CYSTM1: variants seen among roughly 807,000 people sequenced by gnomAD.
CYSTM1 encodes the protein cysteine-rich transmembrane module-containing protein 1.
Under a neutral mutation model 13.1 loss-of-function variants are expected in CYSTM1, and 4 were observed. That is an observed-to-expected ratio of 0.31 (90% CI 0.15 to 0.70). The LOEUF is 0.70. Among genes scored for constraint, CYSTM1 ranks in the 30% least tolerant of loss-of-function variants. CYSTM1 has a pLI of 0.72. For missense variants in CYSTM1, 96 were observed against 121.6 expected (o/e 0.79, Z 0.99); for synonymous variants, 36 against 42.7 (o/e 0.84, Z 0.62).
intron 2 of CYSTM1, among the ~76,000 whole-genome samples, chr5:140,237,479 T>C (rs1251484021): frequency 1.3e-5 from 2 of 152,226 alleles, no homozygotes; most frequent in Non-Finnish European, 2.9e-5. Context: ...AGTCAACTTC[T>C]TTCCCTTCTT....
At chr5:140,242,801 TAGAGGTTG>T (rs1764766609) in intron 2 of CYSTM1, among the ~76,000 whole-genome samples, 1 of 152,206 alleles carries the variant, frequency 6.6e-6, no homozygotes, top group Non-Finnish European at 1.5e-5. Flanking sequence ...TGTCAAGGTA[TAGAGGTTG>T]GGGGCACATT....
At position 140,218,092 on chromosome 5, in the gene CYSTM1, C is replaced by T. The variant is rs1040980533; in HGVS notation, c.187+23440C>T. On this transcript the variant is annotated intron_variant, in intron 2 of 2. Transcript: ENST00000261811. ...GCCCGCTCCAGCTAGCCGATATGGTCGGTGTGGTAATAAGGATGGCTGTGG... is the reference window on the plus strand; with the variant it reads ...GCCCGCTCCAGCTAGCCGATATGGTTGGTGTGGTAATAAGGATGGCTGTGG... Among the ~76,000 whole-genome samples the T allele has an allele frequency of 5.9e-5, 9 of 152,052 alleles. No homozygotes were observed. The South Asian group carries it at 8.3e-4, about 14-fold the overall frequency.
Position 140,211,435 on chromosome 5 carries a change from A to C in CYSTM1, c.187+16783A>C, listed in dbSNP as rs1764366845. On this transcript the variant is annotated intron_variant, in intron 2 of 2. Coordinates refer to ENST00000261811, the MANE Select transcript of CYSTM1 (RefSeq NM_032412.4). ...ATTGTAAACACGGCTTCCAAGTTTT[A>C]CAACAGCTCTTCAGGGTAGTGGTAT... Among the ~76,000 whole-genome samples, 5 of 152,216 alleles carry C rather than the reference A, an allele frequency of 3.3e-5. No homozygotes were observed. The South Asian group carries it at 1.0e-3, about 31-fold the overall frequency.
intron 1 of CYSTM1, among the ~76,000 whole-genome samples, chr5:140,193,397 C>G (rs1199026346): frequency 6.6e-6 from 1 of 152,208 alleles, no homozygotes; most frequent in Non-Finnish European, 1.5e-5. Flanking sequence ...GATTCTCCTG[C>G]CTCAGCCTCC....
In CYSTM1 at chr5:140,232,593, G is replaced by A. The variant is rs954863399; in HGVS notation, c.188-10712G>A. Among the ~76,000 whole-genome samples, 4 of 152,328 alleles carry A rather than the reference G, an allele frequency of 2.6e-5. No homozygotes were observed. In the East Asian group the frequency reaches 7.7e-4, roughly 29 times the overall value. On this transcript the variant is annotated intron_variant, in intron 2 of 2. Coordinates refer to ENST00000261811, the MANE Select transcript of CYSTM1 (RefSeq NM_032412.4). Reference sequence around the variant, plus strand: ...GTGAGAACGCAAAAGTGTCTACACTGTTTTCACTGAGGAGGTGGACTTTTC... The same window carrying A: ...GTGAGAACGCAAAAGTGTCTACACTATTTTCACTGAGGAGGTGGACTTTTC...
intron 2 of CYSTM1, among the ~76,000 whole-genome samples, chr5:140,196,916 G>C (rs1167753086): frequency 6.6e-6 from 1 of 152,174 alleles, no homozygotes; most frequent in African/African-American, 2.4e-5. Context: ...GAACTTTCTG[G>C]GGTGTTAGGA....
At chr5:140,242,585 G>A (rs1234785151) in intron 2 of CYSTM1, among the ~76,000 whole-genome samples, 3 of 152,208 alleles carry the variant, frequency 2.0e-5, no homozygotes, top group Admixed American at 2.0e-4. Context: ...CAGCTAACAA[G>A]TAGTGGGTAG....
At chr5:140,204,758 T>TC (rs1222463605) in intron 2 of CYSTM1, among the ~76,000 whole-genome samples, 3 of 150,302 alleles carry the variant, frequency 2.0e-5, no homozygotes, top group Non-Finnish European at 4.4e-5. Flanking sequence ...CACTGCATCT[T>TC]CAACAGTGCT....
At position 140,243,414 on chromosome 5, in the gene CYSTM1, A is replaced by G; in HGVS notation, c.*3A>G. 1.2e-6 allele frequency: 2 copies of G among 1,613,522 alleles called. No individual in the cohort carries two copies. Among genetic ancestry groups the G allele is most frequent in the South Asian group, 1.1e-5 (1 of 91,064 alleles). The stretch of plus-strand genomic sequence containing the variant: ...GTCTCTGGGACATGCTCACCTGACC[A>G]GACCAGCCCAGCCGTCCTGTCCTGC... On this transcript the variant is annotated 3_prime_UTR_variant, in exon 3 of 3. Transcript: ENST00000261811.
chr5:140,212,434 T>C (rs1764379358), intron 2 of CYSTM1, among the ~76,000 whole-genome samples: 1 of 152,300 alleles, frequency 6.6e-6, no homozygotes, highest in Middle Eastern at 3.4e-3. Flanking sequence ...CATACAATTA[T>C]GTACGGTACA....
intron 2 of CYSTM1, among the ~76,000 whole-genome samples, chr5:140,237,125 C>T (rs1193239788): frequency 6.6e-6 from 1 of 152,142 alleles, no homozygotes; most frequent in Non-Finnish European, 1.5e-5. Flanking sequence ...GAGGGGCATT[C>T]ACTCGGATGT....
intron 2 of CYSTM1, among the ~76,000 whole-genome samples, chr5:140,205,027 C>T (rs1168683391): frequency 6.6e-6 from 1 of 152,164 alleles, no homozygotes; most frequent in East Asian, 1.9e-4. Flanking sequence ...TCTACTTTAG[C>T]ACAGTCCATT....
chr5:140,191,993 C>T (rs1764100659), intron 1 of CYSTM1, among the ~76,000 whole-genome samples: 1 of 152,140 alleles, frequency 6.6e-6, no homozygotes, highest in African/African-American at 2.4e-5. Context: ...GGTGTGTTGC[C>T]AGTTGCAGAC....
intron 1 of CYSTM1, among the ~76,000 whole-genome samples, chr5:140,188,650 G>A (rs1327301854): frequency 6.6e-6 from 1 of 151,964 alleles, no homozygotes; most frequent in Non-Finnish European, 1.5e-5. Flanking sequence ...GCAGTGGCGG[G>A]CGCCTGTAGT....
intron 2 of CYSTM1, among the ~76,000 whole-genome samples, chr5:140,237,388 C>T (rs1424942383): frequency 6.6e-6 from 1 of 152,232 alleles, no homozygotes; most frequent in African/African-American, 2.4e-5. Flanking sequence ...CGAGCCTGAT[C>T]TTGTGCAGTG....
chr5:140,186,229 T>C (rs1376101220), intron 1 of CYSTM1, among the ~76,000 whole-genome samples: 1 of 152,206 alleles, frequency 6.6e-6, no homozygotes. Flanking sequence ...GTCAATAGTA[T>C]TCAACAAACA....
intron 1 of CYSTM1, among the ~76,000 whole-genome samples, chr5:140,191,326 G>A (rs975335011): frequency 6.6e-6 from 1 of 152,204 alleles, no homozygotes; most frequent in Non-Finnish European, 1.5e-5. Flanking sequence ...TTTATGCTTT[G>A]TATAAATGCC....
chr5:140,175,515 G>T lies in CYSTM1; in HGVS notation c.-21+230G>T, dbSNP rs1274501478. Among the ~76,000 whole-genome samples the T allele has an allele frequency of 1.3e-5, 2 of 150,880 alleles. No homozygotes were observed. The highest frequency in any genetic ancestry group is 6.6e-5 in the Admixed American group (1 of 15,244). ...GCCCCGCGGCTACTCTGGGGCTCCT[G>T]GTCGCCGCGCCGCGCGTCTCGGCGG... On this transcript the variant is annotated intron_variant, in intron 1 of 2. Transcript: ENST00000261811. This position sits in a 1 kb window ranked among gnomAD's most constrained non-coding sequence, Gnocchi z 4.9.
In CYSTM1 at chr5:140,185,635, T is replaced by G. The variant is rs185378822; in HGVS notation, c.-20-8811T>G. On this transcript the variant is annotated intron_variant, in intron 1 of 2. Coordinates refer to ENST00000261811, the MANE Select transcript of CYSTM1 (RefSeq NM_032412.4). Reference sequence around the variant, plus strand: ...AAGAAATATCTTGTCCACGTTATGCTGACTATCAGAGGTCTCCTGGTGTTG... The same window carrying G: ...AAGAAATATCTTGTCCACGTTATGCGGACTATCAGAGGTCTCCTGGTGTTG... Among the ~76,000 whole-genome samples, 7 of 152,380 alleles carry G rather than the reference T, an allele frequency of 4.6e-5. No individual in the cohort carries two copies. The East Asian group carries it at 1.3e-3, about 29-fold the overall frequency.
Sources: allele counts gnomAD v4.1 joint callset (sites outside exome capture counted in the v4.1 genomes callset), GRCh38; gene constraint gnomAD v4.1.1; non-coding constraint Gnocchi (gnomAD v3.1); transcripts MANE v1.5; gene names NCBI Gene and HGNC (gene_info 2026-07-23, HGNC 2026-07-21).